CCDC148: variants seen among roughly 807,000 people sequenced by gnomAD.
CCDC148 encodes coiled-coil domain-containing protein 148.
In CCDC148, 89 loss-of-function variants were observed where a neutral mutation model predicts 85.7. The observed-to-expected ratio is 1.04, with a 90% CI of 0.87 to 1.24. CCDC148 has a LOEUF of 1.24. CCDC148 is among the 50% of genes most tolerant of loss of function. CCDC148 has a pLI of 0.00. For missense variants in CCDC148, 692 were observed against 671.7 expected (o/e 1.03, Z -0.33); for synonymous variants, 230 against 213.9 (o/e 1.08, Z -0.66).
intron 10 of CCDC148, among the ~76,000 whole-genome samples, chr2:158,244,863 C>A (rs1380389558): frequency 6.6e-6 from 1 of 152,120 alleles, no homozygotes. Context: ...TATTCATTGA[C>A]CGACCCCTTT....
intron 11 of CCDC148, among the ~76,000 whole-genome samples, chr2:158,179,419 AG>A (rs1190874426): frequency 6.6e-6 from 1 of 152,074 alleles, no homozygotes; most frequent in African/African-American, 2.4e-5. Context: ...GGCCACCCAA[AG>A]TGCTGAGATT....
intron 1 of CCDC148, among the ~76,000 whole-genome samples, chr2:158,375,705 A>G (rs1042460636): frequency 3.9e-5 from 6 of 152,130 alleles, no homozygotes; most frequent in Non-Finnish European, 7.4e-5. Flanking sequence ...CCAATGAGAC[A>G]TGACTAGAGA....
intron 7 of CCDC148, among the ~76,000 whole-genome samples, chr2:158,331,400 A>C (rs976815461): frequency 1.3e-5 from 2 of 152,138 alleles, no homozygotes; most frequent in Non-Finnish European, 1.5e-5. Context: ...GTTCTTTTAC[A>C]TTTGCTGAGG....
At chr2:158,181,750 G>C (rs1248110435) in intron 11 of CCDC148, among the ~76,000 whole-genome samples, 10 of 152,080 alleles carry the variant, frequency 6.6e-5, no homozygotes, top group Admixed American at 2.0e-4. Flanking sequence ...CCAAAAATGA[G>C]CAAAATAAGG....
chr2:158,359,426 G>A (rs777491753), intron 1 of CCDC148, among the ~76,000 whole-genome samples: 3 of 152,128 alleles, frequency 2.0e-5, no homozygotes, highest in Non-Finnish European at 2.9e-5. Flanking sequence ...GGTCTGCAGC[G>A]CCCAGCTAGA....
intron 9 of CCDC148, among the ~76,000 whole-genome samples, chr2:158,294,323 T>C (rs1250346400): frequency 6.6e-6 from 1 of 152,132 alleles, no homozygotes; most frequent in African/African-American, 2.4e-5. Flanking sequence ...GTTTACCCCT[T>C]CCCTGGTTGA....
intron 1 of CCDC148, among the ~76,000 whole-genome samples, chr2:158,434,417 T>C (rs1438057073): frequency 6.6e-6 from 1 of 152,072 alleles, no homozygotes; most frequent in African/African-American, 2.4e-5. Flanking sequence ...TCCTGACTGT[T>C]AGAAAGGAAA....
intron 1 of CCDC148, among the ~76,000 whole-genome samples, chr2:158,418,134 C>T (rs189889508): frequency 2.0e-5 from 3 of 151,558 alleles, no homozygotes; most frequent in Admixed American, 6.6e-5. Flanking sequence ...AACATCACAC[C>T]GTGTAATACT....
intron 1 of CCDC148, among the ~76,000 whole-genome samples, chr2:158,367,429 G>C (rs1371622965): frequency 6.6e-6 from 1 of 152,084 alleles, no homozygotes; most frequent in Non-Finnish European, 1.5e-5. Context: ...TCATTGGAGA[G>C]CCAGCCCCTT....
intron 7 of CCDC148, among the ~76,000 whole-genome samples, chr2:158,320,789 T>C (rs550795653): frequency 1.3e-5 from 2 of 152,158 alleles, no homozygotes; most frequent in East Asian, 1.9e-4. Context: ...CTCTTCATCA[T>C]ATAAAACCCA....
intron 10 of CCDC148, among the ~76,000 whole-genome samples, chr2:158,238,819 C>T (rs73966298): frequency 0.075 from 11,376 of 152,020 alleles, 1,373 homozygotes; most frequent in African/African-American, 0.25. Context: ...TAAAGCGACC[C>T]GAAAGTAAAT....
At chr2:158,224,413 T>C (rs966717903) in intron 10 of CCDC148, among the ~76,000 whole-genome samples, 1 of 152,196 alleles carries the variant, frequency 6.6e-6, no homozygotes, top group African/African-American at 2.4e-5. Flanking sequence ...CCAGGAGTAC[T>C]TCCCCAATCT....
chr2:158,178,763 G>T, intron 12 of CCDC148, 116 bp downstream of exon 12: 1 of 715,308 alleles, frequency 1.4e-6, no homozygotes, highest in Non-Finnish European at 2.4e-6. Context: ...ATTTGGAAAA[G>T]TTAAATTTTA....
At chr2:158,217,414 T>A (rs1046835255) in intron 11 of CCDC148, among the ~76,000 whole-genome samples, 1 of 147,518 alleles carries the variant, frequency 6.8e-6, no homozygotes, top group Admixed American at 6.8e-5. Flanking sequence ...ATACATTTCA[T>A]TTTTTTGAGA....
Position 158,308,074 on chromosome 2 carries a change from G to A in CCDC148, c.1110+1359C>T, listed in dbSNP as rs574826186. On this transcript the variant is annotated intron_variant, in intron 9 of 13. Transcript: ENST00000283233. ...CCTCAGTCTGATGTGCATGTCTATG[G>A]TTGGTATTGGATATCCCAATCAAAA... Among the ~76,000 whole-genome samples the A allele has an allele frequency of 2.0e-5, 3 of 152,270 alleles. No homozygotes were observed. In the East Asian group the frequency reaches 5.8e-4, roughly 29 times the overall value.
At chr2:158,213,151 A>G (rs1686670011) in intron 11 of CCDC148, among the ~76,000 whole-genome samples, 1 of 152,154 alleles carries the variant, frequency 6.6e-6, no homozygotes, top group African/African-American at 2.4e-5. Flanking sequence ...GAATGGAATA[A>G]CAGCTGCTCT....
intron 9 of CCDC148, among the ~76,000 whole-genome samples, chr2:158,262,590 A>C (rs1574500993): frequency 6.6e-6 from 1 of 152,036 alleles, no homozygotes; most frequent in Non-Finnish European, 1.5e-5. Flanking sequence ...AGAGTTCTGC[A>C]TGGCTAGGGA....
intron 1 of CCDC148, among the ~76,000 whole-genome samples, chr2:158,432,844 T>C (rs772713830): frequency 6.6e-6 from 1 of 151,654 alleles, no homozygotes; most frequent in Non-Finnish European, 1.5e-5. Flanking sequence ...GAGGCCAAGG[T>C]GGGCAGATCA....
In CCDC148 at chr2:158,221,267, T is replaced by C. The variant is rs141912169; in HGVS notation, c.1252-554A>G. 1.0e-3 allele frequency among the ~76,000 whole-genome samples: 154 copies of C among 152,322 alleles called. 1 individual carries two copies. Among genetic ancestry groups the C allele is most frequent in the African/African-American group, 3.5e-3 (145 of 41,576 alleles). ...TGTGGTATATAGTAGTTCTGACTTA[T>C]GTGGTAAAATAAAGGTCGAGCTTAT... On this transcript the variant is annotated intron_variant, in intron 10 of 13. Transcript: ENST00000283233.
Sources: gnomAD v4.1 joint callset for allele counts (sites outside exome capture counted in the v4.1 genomes callset) on GRCh38, gnomAD v4.1.1 for gene constraint, MANE v1.5 for transcripts, NCBI Gene and HGNC (gene_info 2026-07-23, HGNC 2026-07-21) for gene names.